The following ZNG1E variants were observed in gnomAD, a reference collection of about 807,000 sequenced individuals.
ZNG1E encodes the protein Zn regulated GTPase metalloprotein activator 1E.
At chr9:65,658,979 TAA>T in the ZNG1E span, among the ~76,000 whole-genome samples, 11 of 152,048 alleles carry the variant, frequency 7.2e-5, no homozygotes, top group African/African-American at 2.7e-4. Flanking sequence ...AGTCATATTC[TAA>T]ACTACTGGGG....
the ZNG1E span, among the ~76,000 whole-genome samples, chr9:65,658,283 A>G: frequency 6.6e-6 from 1 of 152,046 alleles, no homozygotes; most frequent in African/African-American, 2.4e-5. Flanking sequence ...GACATTCAAG[A>G]AACAAAAAGG....
At chr9:65,673,498 G>A in the ZNG1E span, among the ~76,000 whole-genome samples, 1 of 151,650 alleles carries the variant, frequency 6.6e-6, no homozygotes, top group Non-Finnish European at 1.5e-5. Flanking sequence ...AACTTATTTT[G>A]CTCTCATTGA....
the ZNG1E span, among the ~76,000 whole-genome samples, chr9:65,684,552 A>ACACG: frequency 1.9e-4 from 7 of 37,272 alleles, no homozygotes; most frequent in African/African-American, 6.8e-4. Context: ...ACACGCACGC[A>ACACG]CACACACACA....
At chr9:65,665,172 C>G in the ZNG1E span, among the ~76,000 whole-genome samples, 1 of 152,404 alleles carries the variant, frequency 6.6e-6, no homozygotes, top group African/African-American at 2.4e-5. Context: ...TGTTAATCCC[C>G]AAGACAATGG....
At chr9:65,717,226 A>G in the ZNG1E span, among the ~76,000 whole-genome samples, 1 of 149,580 alleles carries the variant, frequency 6.7e-6, no homozygotes. Flanking sequence ...TTTTTCATAT[A>G]AAGCTTTTGT....
the ZNG1E span, among the ~76,000 whole-genome samples, chr9:65,726,987 AC>A: frequency 1.2e-5 from 1 of 82,484 alleles, no homozygotes; most frequent in Non-Finnish European, 2.4e-5. Flanking sequence ...GAGCTGTGAA[AC>A]AAAAGCACCA....
At chr9:65,721,143 T>G in the ZNG1E span, among the ~76,000 whole-genome samples, 2 of 145,956 alleles carry the variant, frequency 1.4e-5, no homozygotes, top group South Asian at 4.3e-4. Context: ...GCAGCCAGTG[T>G]CTCCATCCAT....
the ZNG1E span, among the ~76,000 whole-genome samples, chr9:65,696,029 T>C: frequency 1.5e-5 from 2 of 131,856 alleles, no homozygotes; most frequent in Admixed American, 1.6e-4. Flanking sequence ...ATGAAAGTCA[T>C]CTGACTTAAC....
At chr9:65,663,828 GT>G in the ZNG1E span, among the ~76,000 whole-genome samples, 1 of 124,786 alleles carries the variant, frequency 8.0e-6, no homozygotes, top group Non-Finnish European at 1.7e-5. Flanking sequence ...AGGATGCAAA[GT>G]TTTTTTTAAG....
At chr9:65,673,933 T>G in the ZNG1E span, among the ~76,000 whole-genome samples, 1 of 152,296 alleles carries the variant, frequency 6.6e-6, no homozygotes, top group Non-Finnish European at 1.5e-5. Context: ...CAGGCAGTAA[T>G]GCAGTGCTGA....
the ZNG1E span, among the ~76,000 whole-genome samples, chr9:65,662,047 T>C: frequency 2.0e-5 from 3 of 152,234 alleles, no homozygotes; most frequent in African/African-American, 7.2e-5. Context: ...AGTAATTTTC[T>C]TGTGGCAGAA....
chr9:65,691,110 G>A, the ZNG1E span: 1 of 1,556,592 alleles, frequency 6.4e-7, no homozygotes, highest in Non-Finnish European at 8.6e-7. Flanking sequence ...GTCTCACTTT[G>A]TTGCCCAGAC....
chr9:65,715,061 G>A, the ZNG1E span, among the ~76,000 whole-genome samples: 1 of 149,264 alleles, frequency 6.7e-6, no homozygotes, highest in South Asian at 2.1e-4. Flanking sequence ...CTCCGTGGGC[G>A]TGGGACTCTC....
At chr9:65,693,524 G>A in the ZNG1E span, 1 of 1,113,026 alleles carries the variant, frequency 9.0e-7, no homozygotes, top group Non-Finnish European at 1.2e-6. Context: ...TGACTGTTTT[G>A]TATCCAACCT....
chr9:65,714,501 C>T, the ZNG1E span, among the ~76,000 whole-genome samples: 1 of 151,422 alleles, frequency 6.6e-6, no homozygotes, highest in South Asian at 2.1e-4. Context: ...GTTTTTTCCC[C>T]ATCTTTGCAG....
At chr9:65,664,527 A>G in the ZNG1E span, among the ~76,000 whole-genome samples, 1 of 71,652 alleles carries the variant, frequency 1.4e-5, no homozygotes, top group Non-Finnish European at 2.9e-5. Context: ...GTGGAACTGT[A>G]AGTCCAATAA....
At chr9:65,666,858 T>G in the ZNG1E span, among the ~76,000 whole-genome samples, 1 of 152,336 alleles carries the variant, frequency 6.6e-6, no homozygotes, top group Non-Finnish European at 1.5e-5. Context: ...TTCTCTGTTA[T>G]CGCCCAGGCT....
the ZNG1E span, among the ~76,000 whole-genome samples, chr9:65,714,023 A>T: frequency 3.3e-5 from 5 of 150,456 alleles, no homozygotes; most frequent in Non-Finnish European, 3.0e-5. Flanking sequence ...CTTTTCACAT[A>T]GTCCCATATT....
the ZNG1E span, among the ~76,000 whole-genome samples, chr9:65,686,695 A>C: frequency 9.8e-3 from 1,489 of 152,006 alleles, 1 homozygote; most frequent in African/African-American, 0.034. Flanking sequence ...ACTTTCACGA[A>C]TGATGTTAGC....
Sources: gnomAD v4.1 joint callset for allele counts (sites outside exome capture counted in the v4.1 genomes callset) on GRCh38, gnomAD v4.1.1 for gene constraint, MANE v1.5 for transcripts, NCBI Gene and HGNC (gene_info 2026-07-23, HGNC 2026-07-21) for gene names.